Variants in ARMH3 observed in about 807,000 individuals in gnomAD.
ARMH3 encodes armadillo like helical domain containing 3, also known as armadillo-like helical domain-containing protein 3.
ARMH3 carries 60 observed loss-of-function variants against 99.1 expected under a neutral mutation model. The ratio of observed to expected loss-of-function variants is 0.61; its 90% confidence interval spans 0.49 to 0.75. The LOEUF (loss-of-function observed/expected upper bound fraction) is 0.75. Ranked by LOEUF, ARMH3 falls within the 30% of genes least tolerant of loss-of-function variation. The probability of loss-of-function intolerance (pLI) is 0.00; values close to 1 mark genes in which losing one functional copy is unlikely to be tolerated. For missense variants in ARMH3, 679 were observed against 843.1 expected (o/e 0.81, Z 2.41); for synonymous variants, 285 against 292.8 (o/e 0.97, Z 0.27).
At chr10:101,871,996 A>C (rs1389378209) in intron 24 of ARMH3, among the ~76,000 whole-genome samples, 1 of 151,180 alleles carries the variant, frequency 6.6e-6, no homozygotes, top group African/African-American at 2.4e-5. Context: ...TAAGACTCTC[A>C]AAAAAAAAGA....
chr10:102,006,526 G>A lies in ARMH3; in HGVS notation c.1048+14C>T, dbSNP rs373424145. On this transcript the variant is annotated intron_variant, in intron 14 of 25. Transcript: ENST00000370033. ...TCATATTAACCAAGAAAAACAAAGT[G>A]GTGGTGGGCTCACCATCAGAGGAAG... is the stretch of plus-strand genomic sequence containing the variant. The A allele has an allele frequency of 1.2e-6, 2 of 1,608,048 alleles. No homozygotes were observed. Among genetic ancestry groups the A allele is most frequent in the South Asian group, 1.1e-5 (1 of 90,948 alleles).
chr10:101,960,602 G>A (rs2135831859), intron 20 of ARMH3, among the ~76,000 whole-genome samples: 1 of 152,186 alleles, frequency 6.6e-6, no homozygotes, highest in South Asian at 2.1e-4. Context: ...ATGCCATTAA[G>A]AAGATAAGCC....
At chr10:101,964,002 G>A (rs901061823) in intron 20 of ARMH3, among the ~76,000 whole-genome samples, 17 of 150,790 alleles carry the variant, frequency 1.1e-4, no homozygotes, top group African/African-American at 2.2e-4. Context: ...TCAGCCTCCC[G>A]AGCAGCTGGG....
chr10:101,935,441 T>C (rs1388875500), intron 23 of ARMH3, among the ~76,000 whole-genome samples: 1 of 152,150 alleles, frequency 6.6e-6, no homozygotes, highest in Non-Finnish European at 1.5e-5. Context: ...TGAGCAAATT[T>C]ATGCTCCGAG....
intron 18 of ARMH3, among the ~76,000 whole-genome samples, chr10:101,990,999 C>G (rs747346694): frequency 1.1e-4 from 17 of 152,206 alleles, no homozygotes; most frequent in Non-Finnish European, 7.3e-5. Flanking sequence ...ATTTGTGTAA[C>G]CAGAGACTCA....
chr10:101,937,743 A>T (rs1844052369), intron 23 of ARMH3, among the ~76,000 whole-genome samples: 1 of 152,160 alleles, frequency 6.6e-6, no homozygotes, highest in Non-Finnish European at 1.5e-5. Context: ...ATAAGTGAGA[A>T]TAGATGTCAG....
At chr10:101,975,423 C>T in intron 19 of ARMH3, 123 bp from the exon 20 acceptor site, 1 of 614,470 alleles carries the variant, frequency 1.6e-6, no homozygotes, top group Admixed American at 2.6e-5. Context: ...AATATGTATA[C>T]ATGCAAAAAA....
intron 22 of ARMH3, among the ~76,000 whole-genome samples, chr10:101,953,624 A>G (rs553932041): frequency 7.3e-5 from 11 of 151,550 alleles, no homozygotes; most frequent in Non-Finnish European, 1.3e-4. Context: ...AAATAAGGAC[A>G]GGAAAAGATG....
intron 1 of ARMH3, among the ~76,000 whole-genome samples, chr10:102,055,632 C>T (rs913821815): frequency 2.3e-4 from 35 of 152,302 alleles, no homozygotes; most frequent in African/African-American, 7.9e-4. Context: ...TGGAGCCCTT[C>T]CGGGACACCT....
At chr10:101,849,973 T>A (rs2066551355) in intron 24 of ARMH3, 81 bp from the exon 25 acceptor site, 2 of 1,313,758 alleles carry the variant, frequency 1.5e-6, no homozygotes, top group African/African-American at 2.9e-5. Flanking sequence ...ATCTACTGGG[T>A]TGGGTTTGGT....
rs894336973 is a variant in ARMH3, at chr10:102,002,020, T to C, written c.1101A>G (p.Leu367=). 2 of 1,614,086 alleles carry C rather than the reference T, an allele frequency of 1.2e-6. No homozygotes were observed. Among genetic ancestry groups the C allele is most frequent in the African/African-American group, 2.7e-5 (2 of 74,944 alleles). ...PLDADVQTSN[L]LITFLKYSSI... ...AGCTATACTTTAAAAAGGTTATCAG[T>C]AGATTACTGGTCTGTACATCTGCAT... is the stretch of plus-strand genomic sequence containing the variant. Residue 367 remains leucine, a synonymous_variant, in exon 15 of 26, where the codon CTA becomes CTG. Transcript: ENST00000370033.
rs529392437 is a variant in ARMH3 at position 101,932,008 on chromosome 10, C to A, written c.1781+7855G>T. ...GGAGAAAATATCTGCACATCATATG[C>A]CTGATAATGAATTAATATCTAGAAT... is the stretch of plus-strand genomic sequence containing the variant. On this transcript the variant is annotated intron_variant, in intron 23 of 25. Coordinates refer to ENST00000370033, the MANE Select transcript of ARMH3 (RefSeq NM_024541.3). Among the ~76,000 whole-genome samples, 9 of 152,194 alleles carry A rather than the reference C, an allele frequency of 5.9e-5. 1 individual carries two copies. In the South Asian group the frequency reaches 1.9e-3, roughly 32 times the overall value.
At chr10:102,002,548 G>C (rs1246997230) in intron 14 of ARMH3, among the ~76,000 whole-genome samples, 1 of 152,026 alleles carries the variant, frequency 6.6e-6, no homozygotes, top group African/African-American at 2.4e-5. Flanking sequence ...CTTTAGGCTG[G>C]ACGTACCCAT....
chr10:102,006,138 AT>A (rs1177100497), intron 14 of ARMH3, among the ~76,000 whole-genome samples: 1 of 152,244 alleles, frequency 6.6e-6, no homozygotes, highest in Non-Finnish European at 1.5e-5. Flanking sequence ...CATTGATCAA[AT>A]GGTAACATCA....
Position 102,023,668 on chromosome 10 carries a change from G to GACC in ARMH3, c.582+4_582+6dup, listed in dbSNP as rs2066937576. 1 of 1,612,902 alleles carries GACC rather than the reference G, an allele frequency of 6.2e-7. No individual in the cohort carries two copies. The highest frequency in any genetic ancestry group is 1.3e-5 in the African/African-American group (1 of 74,848). On this transcript the variant is annotated splice_region_variant and intron_variant, in intron 7 of 25. Coordinates refer to ENST00000370033, the MANE Select transcript of ARMH3 (RefSeq NM_024541.3). ...ACCCCAAAGAGAGGAGGTAACAAGG[G>GACC]ACCTACCTGTAAAATTGCTTCAAAT... is the stretch of plus-strand genomic sequence containing the variant.
rs992772375 is a variant in ARMH3, at chr10:102,011,808, C to T, written c.771-25G>A. 5.7e-6 allele frequency: 9 copies of T among 1,573,352 alleles called. No individual in the cohort carries two copies. In the African/African-American group the frequency reaches 1.1e-4, roughly 19 times the overall value. ...CCTAAACAAAAAGAACTAAATTCAA[C>T]TTTAGGATTGTTTATCAATTATGTC... On this transcript the variant is annotated intron_variant, in intron 10 of 25. Transcript: ENST00000370033.
chr10:101,956,480 T>A, intron 22 of ARMH3, 117 bp downstream of exon 22: 1 of 1,344,456 alleles, frequency 7.4e-7, no homozygotes, highest in Non-Finnish European at 1.0e-6. Context: ...ACTACTATAT[T>A]TCTGTGCCAC....
intron 22 of ARMH3, among the ~76,000 whole-genome samples, chr10:101,946,585 C>T (rs1363894666): frequency 6.6e-6 from 1 of 151,844 alleles, no homozygotes; most frequent in East Asian, 1.9e-4. Flanking sequence ...AGTCAGTGAA[C>T]ATAAAGTATA....
chr10:101,909,807 A>G (rs1842792896), intron 23 of ARMH3, among the ~76,000 whole-genome samples: 1 of 152,110 alleles, frequency 6.6e-6, no homozygotes. Context: ...CCTGTATCAA[A>G]GCATCTCACG....
Sources: gnomAD v4.1 joint callset for allele counts (sites outside exome capture counted in the v4.1 genomes callset) on GRCh38, gnomAD v4.1.1 for gene constraint, MANE v1.5 for transcripts, NCBI Gene and HGNC (gene_info 2026-07-23, HGNC 2026-07-21) for gene names.